Variants in ASIC2 observed in about 807,000 individuals in gnomAD.
ASIC2 encodes acid sensing ion channel subunit 2.
Under a neutral mutation model 57.3 loss-of-function variants are expected in ASIC2, and 25 were observed. The ratio of observed to expected loss-of-function variants is 0.44; its 90% CI spans 0.32 to 0.61. ASIC2 has a LOEUF of 0.61. Ranked by LOEUF, ASIC2 falls within the 20% of genes least tolerant of loss-of-function variation. The pLI is 0.06. For missense variants in ASIC2, 641 were observed against 738.1 expected (o/e 0.87, Z 1.52); for synonymous variants, 319 against 307.5 (o/e 1.04, Z -0.39).
intron 3 of ASIC2, among the ~76,000 whole-genome samples, chr17:33,064,650 T>C (rs565948185): frequency 9.7e-4 from 147 of 152,308 alleles, no homozygotes; most frequent in African/African-American, 3.4e-3. Flanking sequence ...AGGGACCCAC[T>C]TGAGGAGGCA....
intron 1 of ASIC2, among the ~76,000 whole-genome samples, chr17:33,992,899 T>C (rs373837811): frequency 1.3e-5 from 2 of 152,272 alleles, no homozygotes; most frequent in African/African-American, 2.4e-5. Context: ...ATGCTATGTA[T>C]ACATGAGTTA....
At chr17:34,018,784 T>A (rs1239941063) in intron 1 of ASIC2, among the ~76,000 whole-genome samples, 1 of 152,238 alleles carries the variant, frequency 6.6e-6, no homozygotes, top group Non-Finnish European at 1.5e-5. Context: ...TTCTAAGGTT[T>A]AAGAAGAATC....
upstream of ASIC2, among the ~76,000 whole-genome samples, chr17:33,294,874 A>G (rs1905661542): frequency 6.6e-6 from 1 of 151,870 alleles, no homozygotes; most frequent in African/African-American, 2.4e-5. Context: ...CTTTGAGGGG[A>G]GGGTTCTGAA....
chr17:33,816,014 A>G (rs1427844234), intron 1 of ASIC2, among the ~76,000 whole-genome samples: 1 of 152,198 alleles, frequency 6.6e-6, no homozygotes, highest in African/African-American at 2.4e-5. Flanking sequence ...GGAAGTGCAC[A>G]TTACATAGGG....
chr17:33,982,654 G>C (rs955769476), intron 1 of ASIC2, among the ~76,000 whole-genome samples: 4 of 152,148 alleles, frequency 2.6e-5, no homozygotes, highest in Non-Finnish European at 5.9e-5. Context: ...TTCCTATCAT[G>C]TTGACCTGGT....
chr17:33,171,980 C>G (rs773880022), intron 1 of ASIC2, among the ~76,000 whole-genome samples: 2 of 152,210 alleles, frequency 1.3e-5, no homozygotes, highest in Non-Finnish European at 2.9e-5. Flanking sequence ...TTTCATATTA[C>G]TGTGGCCCTC....
chr17:33,257,714 T>C (rs1168557231), intron 1 of ASIC2, among the ~76,000 whole-genome samples: 1 of 152,194 alleles, frequency 6.6e-6, no homozygotes, highest in Admixed American at 6.5e-5. Flanking sequence ...AGGTGTGTGG[T>C]ATCAAGGTCC....
chr17:33,425,610 G>A (rs180920457), intron 1 of ASIC2, among the ~76,000 whole-genome samples: 18 of 152,244 alleles, frequency 1.2e-4, no homozygotes, highest in East Asian at 7.7e-4. Flanking sequence ...TTTGAGCCTC[G>A]AAGGATGAGT....
intron 1 of ASIC2, among the ~76,000 whole-genome samples, chr17:33,667,221 C>T (rs917130316): frequency 2.6e-5 from 4 of 152,172 alleles, no homozygotes; most frequent in African/African-American, 7.2e-5. Context: ...CACGCCCTCG[C>T]CAAGGGCACG....
intron 1 of ASIC2, among the ~76,000 whole-genome samples, chr17:33,117,315 AC>A (rs1462705809): frequency 6.6e-6 from 1 of 151,890 alleles, no homozygotes; most frequent in African/African-American, 2.4e-5. Context: ...AGCTGGGATT[AC>A]GGGCATGCAC....
At chr17:33,763,626 G>A (rs1423553636) in intron 1 of ASIC2, among the ~76,000 whole-genome samples, 2 of 152,202 alleles carry the variant, frequency 1.3e-5, no homozygotes, top group Admixed American at 6.5e-5. Flanking sequence ...GGTGAGATGA[G>A]TCACTACTGT....
At chr17:33,164,338 T>A (rs545692301) in intron 1 of ASIC2, among the ~76,000 whole-genome samples, 71 of 152,338 alleles carry the variant, frequency 4.7e-4, no homozygotes, top group Middle Eastern at 6.8e-3. Context: ...GGGATTCTGA[T>A]GAATTGCTGT....
chr17:33,938,904 C>A (rs191233515), intron 1 of ASIC2, among the ~76,000 whole-genome samples: 1 of 152,332 alleles, frequency 6.6e-6, no homozygotes, highest in Admixed American at 6.5e-5. Context: ...CTGGAAAGTG[C>A]CTCTGTGCTC....
intron 1 of ASIC2, among the ~76,000 whole-genome samples, chr17:33,878,972 A>AATT (rs1474242688): frequency 6.6e-6 from 1 of 152,212 alleles, no homozygotes; most frequent in East Asian, 1.9e-4. Flanking sequence ...TAAAGAAAAG[A>AATT]ATTTTCAACC....
At chr17:33,639,097 T>A (rs1471982281) in intron 1 of ASIC2, among the ~76,000 whole-genome samples, 1 of 151,542 alleles carries the variant, frequency 6.6e-6, no homozygotes, top group East Asian at 2.0e-4. Context: ...CCATGGGAGC[T>A]CACCATGGGG....
At chr17:33,550,351 C>T (rs1383453015) in intron 1 of ASIC2, among the ~76,000 whole-genome samples, 1 of 152,170 alleles carries the variant, frequency 6.6e-6, no homozygotes, top group African/African-American at 2.4e-5. Flanking sequence ...TGCTGGTGGG[C>T]TCTGCTGGGC....
At chr17:33,630,068 G>A (rs959040597) in intron 1 of ASIC2, among the ~76,000 whole-genome samples, 5 of 152,090 alleles carry the variant, frequency 3.3e-5, no homozygotes, top group African/African-American at 4.8e-5. Flanking sequence ...GCCCACCAGC[G>A]GCCATCTCTC....
At chr17:33,840,770 T>C (rs1238279842) in intron 1 of ASIC2, among the ~76,000 whole-genome samples, 1 of 136,066 alleles carries the variant, frequency 7.3e-6, no homozygotes, top group Non-Finnish European at 1.6e-5. Context: ...CAAATCAAGG[T>C]AGGTTATTCC....
chr17:34,012,795 G>A (rs1454897662), intron 1 of ASIC2, among the ~76,000 whole-genome samples: 2 of 151,948 alleles, frequency 1.3e-5, no homozygotes, highest in East Asian at 1.9e-4. Flanking sequence ...ATGAATGAAT[G>A]AATGAGGCAA....
Sources: gnomAD v4.1 joint callset for allele counts (sites outside exome capture counted in the v4.1 genomes callset) on GRCh38, gnomAD v4.1.1 for gene constraint, MANE v1.5 for transcripts, NCBI Gene and HGNC (gene_info 2026-07-23, HGNC 2026-07-21) for gene names.